The following ARHGAP32 variants were observed in gnomAD, a reference collection of about 807,000 sequenced individuals.
ARHGAP32 encodes rho GTPase-activating protein 32.
A neutral mutation model predicts 186.5 loss-of-function variants in ARHGAP32; 51 were observed. That is an observed-to-expected ratio of 0.27 (90% CI 0.22 to 0.35). The LOEUF is 0.35. ARHGAP32 is among the 10% of genes least tolerant of loss of function. ARHGAP32 has a pLI of 1.00. For missense variants in ARHGAP32, 2,186 were observed against 2,623.5 expected (o/e 0.83, Z 3.64); for synonymous variants, 950 against 964.3 (o/e 0.99, Z 0.27).
intron 1 of ARHGAP32, among the ~76,000 whole-genome samples, chr11:129,259,680 G>A (rs1945297307): frequency 6.6e-6 from 1 of 152,038 alleles, no homozygotes; most frequent in Admixed American, 6.6e-5. Context: ...GAACTGCAGA[G>A]GAAGAAACCA....
At chr11:129,075,484 T>C (rs1941006989) in intron 6 of ARHGAP32, among the ~76,000 whole-genome samples, 1 of 152,150 alleles carries the variant, frequency 6.6e-6, no homozygotes, top group South Asian at 2.1e-4. Context: ...ACTATGAAAG[T>C]ACTGTGAGGC....
intron 15 of ARHGAP32, among the ~76,000 whole-genome samples, chr11:128,982,611 G>T (rs1026175850): frequency 7.2e-5 from 11 of 152,072 alleles, no homozygotes; most frequent in Non-Finnish European, 1.3e-4. Context: ...AACGGGCTGG[G>T]TGTGATGGCT....
chr11:129,192,053 G>T, intron 1 of ARHGAP32, 30 bp downstream of exon 1: 1 of 1,542,632 alleles, frequency 6.5e-7, no homozygotes, highest in Non-Finnish European at 9.0e-7. Context: ...GGAGTGGACA[G>T]GACAAAGGAA....
chr11:129,029,756 C>G (rs976822364), intron 11 of ARHGAP32, among the ~76,000 whole-genome samples: 1 of 134,336 alleles, frequency 7.4e-6, no homozygotes, highest in Non-Finnish European at 1.5e-5. Context: ...GAGCCGAGAT[C>G]GCACCACTGC....
At chr11:129,178,562 C>T (rs1943974415) in intron 1 of ARHGAP32, among the ~76,000 whole-genome samples, 1 of 151,936 alleles carries the variant, frequency 6.6e-6, no homozygotes, top group Non-Finnish European at 1.5e-5. Flanking sequence ...GCTACAGTAA[C>T]CAAAACAGCA....
At chr11:129,152,456 C>T (rs1000852413) in intron 2 of ARHGAP32, among the ~76,000 whole-genome samples, 4 of 152,094 alleles carry the variant, frequency 2.6e-5, no homozygotes, top group African/African-American at 9.7e-5. Context: ...AGACCAGTAT[C>T]CCTGAGGAAC....
At chr11:129,221,914 C>T (rs750082160) in intron 1 of ARHGAP32, among the ~76,000 whole-genome samples, 9 of 152,070 alleles carry the variant, frequency 5.9e-5, no homozygotes, top group Non-Finnish European at 2.9e-5. Context: ...TACTTGTGGA[C>T]ACTCGAATCT....
chr11:128,992,302 A>G (rs1321303535), intron 12 of ARHGAP32, among the ~76,000 whole-genome samples: 1 of 152,138 alleles, frequency 6.6e-6, no homozygotes, highest in Non-Finnish European at 1.5e-5. Context: ...AACTCTCACT[A>G]TTTTGTTTTA....
At chr11:129,131,537 T>G (rs1218371371) in intron 2 of ARHGAP32, among the ~76,000 whole-genome samples, 1 of 152,110 alleles carries the variant, frequency 6.6e-6, no homozygotes, top group Admixed American at 6.5e-5. Flanking sequence ...AGCCAGAGAA[T>G]GTGGGCAAAG....
chr11:129,109,830 G>T (rs182485896), intron 5 of ARHGAP32, among the ~76,000 whole-genome samples: 1 of 151,736 alleles, frequency 6.6e-6, no homozygotes, highest in Non-Finnish European at 1.5e-5. Flanking sequence ...TGATTTGTTT[G>T]AATTCCTTGT....
In ARHGAP32 at chr11:129,160,551, T is replaced by C. The variant is rs575896987; in HGVS notation, c.225+3768A>G. Among the ~76,000 whole-genome samples the C allele has an allele frequency of 1.5e-3, 235 of 152,210 alleles. 3 individuals carry two copies. The highest frequency in any genetic ancestry group is 2.0e-3 in the Non-Finnish European group (136 of 67,980). On this transcript the variant is annotated intron_variant, in intron 2 of 22. Transcript: ENST00000682385. ...TAGGATGATAAAATACCTAGGATGA[T>C]GATACCTATGAGAATAAAATACCTA...
chr11:129,016,056 T>C (rs1027436684), intron 11 of ARHGAP32, among the ~76,000 whole-genome samples: 4 of 152,240 alleles, frequency 2.6e-5, no homozygotes, highest in Non-Finnish European at 5.9e-5. Flanking sequence ...TTCAAATCTT[T>C]GTTCTACTTA....
chr11:128,989,265 CA>C (rs1343726483), intron 12 of ARHGAP32, among the ~76,000 whole-genome samples: 2 of 151,790 alleles, frequency 1.3e-5, no homozygotes, highest in Non-Finnish European at 2.9e-5. Flanking sequence ...AATCAAAAAA[CA>C]AAAACCAGCA....
chr11:129,267,715 A>C (rs1945422588), intron 1 of ARHGAP32, among the ~76,000 whole-genome samples: 1 of 152,264 alleles, frequency 6.6e-6, no homozygotes, highest in East Asian at 1.9e-4. Context: ...ACTGCCATAA[A>C]GGAACACCTG....
chr11:129,198,578 C>A (rs1174266690), intron 1 of ARHGAP32, among the ~76,000 whole-genome samples: 1 of 152,202 alleles, frequency 6.6e-6, no homozygotes. Flanking sequence ...TGCTGGCTGC[C>A]ATGTAAGATG....
intron 1 of ARHGAP32, among the ~76,000 whole-genome samples, chr11:129,255,550 A>G (rs1276762112): frequency 6.6e-6 from 1 of 152,120 alleles, no homozygotes; most frequent in Admixed American, 6.6e-5. Context: ...CTATATTAAG[A>G]CCTAGGCCTC....
rs1002875742 is a variant in ARHGAP32, at chr11:129,078,263, A to G, written c.532-11395T>C. Reference sequence around the variant, plus strand: ...CCATCCCTAGGGGAAGGGGGTGAGCACCACATCAAGAGAGCACTCTGTGGG... The same window carrying G: ...CCATCCCTAGGGGAAGGGGGTGAGCGCCACATCAAGAGAGCACTCTGTGGG... On this transcript the variant is annotated intron_variant, in intron 6 of 22. Transcript: ENST00000682385. Among the ~76,000 whole-genome samples, 5 of 152,244 alleles carry G rather than the reference A, an allele frequency of 3.3e-5. No homozygotes were observed. The East Asian group carries it at 9.7e-4, about 29-fold the overall frequency.
chr11:128,970,124 G>A lies in ARHGAP32; in HGVS notation c.5089C>T (p.Arg1697Cys), dbSNP rs142889526. The change falls in exon 23 of 23, where the codon CGC becomes TGC. Residue 1697 changes from arginine to cysteine, a missense_variant. Physicochemically the swap from Arg to Cys is radical, Grantham distance 180 (BLOSUM62 -3). Around this residue, in one of 5 missense-constraint regions of ARHGAP32, gnomAD observed 1,502 missense variants for 1,570.0 expected, o/e 0.96. Transcript: ENST00000682385. The surrounding 1 kb of genome is among the most constrained non-coding windows in gnomAD (Gnocchi z 5.8). ...AAAGCAAAGTCTCGATTGGGAAGGC[G>A]GTGAAGGGGTCTCAACTGGACTGTG... ...YGTVQLRPLHRLPNRDFAFYN... is the reference protein window; with the variant it reads ...YGTVQLRPLHCLPNRDFAFYN... 55 of 1,614,188 alleles carry A rather than the reference G, an allele frequency of 3.4e-5. No homozygotes were observed. The African/African-American group carries it at 3.5e-4, about 10-fold the overall frequency.
At chr11:129,061,400 A>G (rs1190572787) in intron 10 of ARHGAP32, among the ~76,000 whole-genome samples, 1 of 152,212 alleles carries the variant, frequency 6.6e-6, no homozygotes, top group African/African-American at 2.4e-5. Context: ...AATGCCTGAA[A>G]TCACAGATAG....
Sources: gnomAD v4.1 joint callset for allele counts (sites outside exome capture counted in the v4.1 genomes callset) on GRCh38, gnomAD v4.1.1 for gene constraint, gnomAD v4.1.1 regional missense constraint, Gnocchi (gnomAD v3.1) non-coding constraint, MANE v1.5 for transcripts, NCBI Gene and HGNC (gene_info 2026-07-23, HGNC 2026-07-21) for gene names.